Variants in AGBL1 observed in about 807,000 individuals in gnomAD.
AGBL1 encodes the protein AGBL carboxypeptidase 1.
In AGBL1, 130 loss-of-function variants were observed where a neutral mutation model predicts 118.9. That is an observed-to-expected ratio of 1.09 (90% CI 0.95 to 1.26). The LOEUF (loss-of-function observed/expected upper bound fraction) is 1.26. Ranked by LOEUF, AGBL1 falls within the 50% of genes most tolerant of loss-of-function variation. The pLI, the probability that AGBL1 is intolerant of heterozygous loss-of-function variation, is 0.00. For synonymous variants in AGBL1, 555 were observed against 478.9 expected, an observed-to-expected ratio of 1.16 and a Z score of -2.08; for missense variants, 1,584 against 1,298.1, an observed-to-expected ratio of 1.22 and a Z score of -3.38.
At chr15:86,741,992 A>T (rs927593261) in intron 22 of AGBL1, among the ~76,000 whole-genome samples, 21 of 147,260 alleles carry the variant, frequency 1.4e-4, no homozygotes, top group South Asian at 2.2e-4. Context: ...TTTTTTTTTT[A>T]AACTATGAGT....
intron 15 of AGBL1, among the ~76,000 whole-genome samples, chr15:86,273,526 A>G (rs1375402023): frequency 3.9e-5 from 6 of 152,198 alleles, no homozygotes; most frequent in Middle Eastern, 3.2e-3. Flanking sequence ...TCACCCACAA[A>G]TTAGAACGCC....
intron 18 of AGBL1, among the ~76,000 whole-genome samples, chr15:86,411,267 G>T (rs555018648): frequency 2.6e-5 from 4 of 151,908 alleles, no homozygotes; most frequent in Admixed American, 6.6e-5. Context: ...CCAGCCGGGG[G>T]ACTGCCTCCC....
chr15:86,275,486 A>C (rs1286056081), intron 15 of AGBL1, among the ~76,000 whole-genome samples: 8 of 152,208 alleles, frequency 5.3e-5, no homozygotes, highest in African/African-American at 1.9e-4. Context: ...AAGATTATCT[A>C]ATCCATTCTC....
chr15:86,507,056 A>G (rs2082986248), intron 18 of AGBL1, among the ~76,000 whole-genome samples: 1 of 152,082 alleles, frequency 6.6e-6, no homozygotes, highest in African/African-American at 2.4e-5. Context: ...AACTATAAAG[A>G]TGTTTTGATT....
At chr15:86,959,003 T>G (rs984905458) in intron 23 of AGBL1, among the ~76,000 whole-genome samples, 1 of 152,130 alleles carries the variant, frequency 6.6e-6, no homozygotes, top group Non-Finnish European at 1.5e-5. Flanking sequence ...ATATACTGTT[T>G]ATAGTTGCCT....
intron 1 of AGBL1, chr15:86,107,661 T>A (rs182819989): frequency 2.0e-4 from 31 of 152,302 alleles, no homozygotes; most frequent in Middle Eastern, 3.4e-3. Context: ...CCATCTAGAA[T>A]TCATCAGTGG....
intron 5 of AGBL1, among the ~76,000 whole-genome samples, chr15:86,221,816 G>A (rs1467157428): frequency 6.6e-6 from 1 of 151,854 alleles, no homozygotes; most frequent in Non-Finnish European, 1.5e-5. Context: ...GTATGTTCAT[G>A]CATTGAAGTG....
Position 86,699,339 on chromosome 15 carries a change from C to G in AGBL1, c.3158+24903C>G, listed in dbSNP as rs147681529. 4.6e-3 allele frequency among the ~76,000 whole-genome samples: 695 copies of G among 152,028 alleles called. 4 individuals carry two copies. Among genetic ancestry groups the G allele is most frequent in the African/African-American group, 0.016 (664 of 41,488 alleles). ...AAATATATATTCCTGCCTACCAGTG[C>G]AGTATAATTAAAACAATGGCAATTA... is the stretch of plus-strand genomic sequence containing the variant. On this transcript the variant is annotated intron_variant, in intron 22 of 22. Transcript: ENST00000614907.
intron 19 of AGBL1, among the ~76,000 whole-genome samples, chr15:86,533,105 A>G (rs1338238584): frequency 0.024 from 1,651 of 67,500 alleles, 156 homozygotes; most frequent in African/African-American, 0.16. Flanking sequence ...GCCAAAATTG[A>G]CAAATGGGAT....
intron 22 of AGBL1, among the ~76,000 whole-genome samples, chr15:86,683,609 G>A (rs2086001139): frequency 6.6e-6 from 1 of 152,108 alleles, no homozygotes; most frequent in Admixed American, 6.6e-5. Context: ...CTCTGCCTCA[G>A]GCTCAACCAA....
rs187446303 is a variant in AGBL1 at position 86,752,625 on chromosome 15, C to A, written c.3158+78189C>A. Among the ~76,000 whole-genome samples the A allele has an allele frequency of 1.4e-3, 220 of 152,146 alleles. 1 individual carries two copies. Among genetic ancestry groups the A allele is most frequent in the African/African-American group, 5.2e-3 (214 of 41,538 alleles). ...CTACCCCATTGCCAGGGGCCAGAGG[C>A]TGGGCAGGAAGGCTCCCTGTACTCT... On this transcript the variant is annotated intron_variant, in intron 22 of 22. Transcript: ENST00000614907.
chr15:86,681,031 C>G (rs1596364276), intron 22 of AGBL1, among the ~76,000 whole-genome samples: 1 of 152,060 alleles, frequency 6.6e-6, no homozygotes. Flanking sequence ...TATGAACATT[C>G]TATTCTCTTG....
intron 22 of AGBL1, among the ~76,000 whole-genome samples, chr15:86,770,173 CAG>C (rs2078156190): frequency 6.6e-6 from 1 of 151,880 alleles, no homozygotes; most frequent in African/African-American, 2.4e-5. Context: ...AAAGCATAGA[CAG>C]ATAATCTACA....
intron 22 of AGBL1, among the ~76,000 whole-genome samples, chr15:86,682,544 G>A (rs1338709299): frequency 6.6e-6 from 1 of 151,902 alleles, no homozygotes; most frequent in Non-Finnish European, 1.5e-5. Context: ...TTTGTAAAAA[G>A]GCCCATAAAA....
chr15:86,833,100 C>G (rs962869535), intron 22 of AGBL1, among the ~76,000 whole-genome samples: 1 of 152,112 alleles, frequency 6.6e-6, no homozygotes, highest in Non-Finnish European at 1.5e-5. Flanking sequence ...ATGGAAAAGA[C>G]CCGCCCCCAT....
chr15:86,373,354 C>A (rs1234386458), intron 17 of AGBL1, among the ~76,000 whole-genome samples: 1 of 152,174 alleles, frequency 6.6e-6, no homozygotes, highest in Non-Finnish European at 1.5e-5. Flanking sequence ...GCAGAGAAAT[C>A]ACCTTGACAT....
intron 22 of AGBL1, among the ~76,000 whole-genome samples, chr15:86,734,448 A>G (rs1329214845): frequency 6.6e-6 from 1 of 152,166 alleles, no homozygotes; most frequent in Admixed American, 6.5e-5. Context: ...AAGAACTGTT[A>G]TATGAAGGGA....
At chr15:86,869,986 C>A (rs878948905) in intron 22 of AGBL1, among the ~76,000 whole-genome samples, 1 of 152,146 alleles carries the variant, frequency 6.6e-6, no homozygotes, top group Admixed American at 6.5e-5. Flanking sequence ...CCGCAAGTTT[C>A]CATTTTGAAA....
At chr15:86,901,962 G>A (rs151258438) in intron 22 of AGBL1, among the ~76,000 whole-genome samples, 4 of 152,026 alleles carry the variant, frequency 2.6e-5, no homozygotes, top group African/African-American at 9.6e-5. Flanking sequence ...TATTCTTGTG[G>A]CTGAGTCGTT....
Sources: gnomAD v4.1 joint callset for allele counts (sites outside exome capture counted in the v4.1 genomes callset) on GRCh38, gnomAD v4.1.1 for gene constraint, MANE v1.5 for transcripts, NCBI Gene and HGNC (gene_info 2026-07-23, HGNC 2026-07-21) for gene names.